The following FSTL5 variants were observed in gnomAD, a reference collection of about 807,000 sequenced individuals.
FSTL5 encodes follistatin-related protein 5.
In FSTL5, 62 loss-of-function variants were observed where a neutral mutation model predicts 89.1. The observed-to-expected ratio is 0.70, with a 90% confidence interval of 0.57 to 0.86. FSTL5 has a LOEUF of 0.86. Ranked by LOEUF, FSTL5 falls within the 40% of genes least tolerant of loss-of-function variation. The probability of loss-of-function intolerance (pLI) is 0.00; values close to 1 mark genes in which losing one functional copy is unlikely to be tolerated. For synonymous variants in FSTL5, 383 were observed against 346.2 expected (o/e 1.11, Z -1.18); for missense variants, 1,057 against 1,001.6 (o/e 1.06, Z -0.75).
intron 3 of FSTL5, among the ~76,000 whole-genome samples, chr4:161,951,453 T>A (rs1734891998): frequency 6.6e-6 from 1 of 152,142 alleles, no homozygotes; most frequent in Non-Finnish European, 1.5e-5. Context: ...TAAGGTGATT[T>A]ACATCCCCAA....
chr4:162,099,646 A>T (rs1260035227), intron 2 of FSTL5, among the ~76,000 whole-genome samples: 1 of 152,180 alleles, frequency 6.6e-6, no homozygotes, highest in Admixed American at 6.5e-5. Flanking sequence ...AAACTGCATA[A>T]TAAGAAAAAA....
chr4:161,416,014 T>C (rs72989105), intron 15 of FSTL5, among the ~76,000 whole-genome samples: 1 of 152,004 alleles, frequency 6.6e-6, no homozygotes, highest in Non-Finnish European at 1.5e-5. Flanking sequence ...CATAAGACAA[T>C]GTTTACTCTA....
intron 4 of FSTL5, among the ~76,000 whole-genome samples, chr4:161,906,154 C>A (rs7666181): frequency 0.52 from 78,453 of 150,646 alleles, 20,851 homozygotes; most frequent in Middle Eastern, 0.68. Flanking sequence ...AGGTAGCACA[C>A]CTAAGTCTCC....
Position 161,440,254 on chromosome 4 carries a change from C to T in FSTL5, c.1841+14750G>A, listed in dbSNP as rs191099808. Among the ~76,000 whole-genome samples the T allele has an allele frequency of 6.6e-5, 10 of 152,142 alleles. No homozygotes were observed. In the South Asian group the frequency reaches 8.3e-4, roughly 13 times the overall value. On this transcript the variant is annotated intron_variant, in intron 15 of 15. Coordinates refer to ENST00000306100, the MANE Select transcript of FSTL5 (RefSeq NM_020116.5). ...TAGTTTCATAAATTTTTGTACAGAACGTAATGAGACCAATATCACATATCT... is the reference window on the plus strand; with the variant it reads ...TAGTTTCATAAATTTTTGTACAGAATGTAATGAGACCAATATCACATATCT...
At chr4:162,038,002 G>A (rs550010549) in intron 2 of FSTL5, among the ~76,000 whole-genome samples, 77 of 151,992 alleles carry the variant, frequency 5.1e-4, no homozygotes, top group African/African-American at 1.7e-3. Context: ...ATTTAACTAT[G>A]TGAGAACTCA....
intron 3 of FSTL5, among the ~76,000 whole-genome samples, chr4:162,004,980 T>G (rs1360157214): frequency 6.6e-6 from 1 of 152,122 alleles, no homozygotes; most frequent in Non-Finnish European, 1.5e-5. Flanking sequence ...GAAGTGTCAG[T>G]TATGTGTTTT....
chr4:161,987,386 G>A (rs1560954336), intron 3 of FSTL5, among the ~76,000 whole-genome samples: 1 of 150,586 alleles, frequency 6.6e-6, no homozygotes, highest in Non-Finnish European at 1.5e-5. Context: ...TTTTAGAATG[G>A]CGGGGAAGGA....
At chr4:161,650,803 A>G (rs1736313023) in intron 7 of FSTL5, among the ~76,000 whole-genome samples, 1 of 152,168 alleles carries the variant, frequency 6.6e-6, no homozygotes, top group South Asian at 2.1e-4. Context: ...TTTAGACTGG[A>G]CTATATATAA....
intron 7 of FSTL5, among the ~76,000 whole-genome samples, chr4:161,636,559 G>A (rs182114716): frequency 2.0e-5 from 3 of 147,760 alleles, no homozygotes; most frequent in Admixed American, 1.4e-4. Flanking sequence ...TGCGCTGCAC[G>A]CACTAACTCG....
At chr4:161,781,862 T>C (rs1741681717) in intron 4 of FSTL5, among the ~76,000 whole-genome samples, 1 of 152,180 alleles carries the variant, frequency 6.6e-6, no homozygotes, top group South Asian at 2.1e-4. Context: ...TACAGAATAG[T>C]TTTACTGCCC....
At position 161,705,946 on chromosome 4, in the gene FSTL5, A is replaced by ATGTGTATATTGCATGTG. The variant is rs1391788107; in HGVS notation, c.728-49453_728-49452insCACATGCAATATACACA. ...AATACATATGCATGTGTGTGTGTAG[A>ATGTGTATATTGCATGTG]TGTGTGTATATATATATATATATAT... On this transcript the variant is annotated intron_variant, in intron 6 of 15. Coordinates refer to ENST00000306100, the MANE Select transcript of FSTL5 (RefSeq NM_020116.5). Among the ~76,000 whole-genome samples, 64 of 45,020 alleles carry ATGTGTATATTGCATGTG rather than the reference A, an allele frequency of 1.4e-3. 2 individuals are homozygous for ATGTGTATATTGCATGTG. The highest frequency in any genetic ancestry group is 3.6e-3 in the African/African-American group (55 of 15,152). The allele number at this position is 45,020 out of a possible 152,430, so 29.5% of individuals were successfully genotyped here. A position where few individuals can be genotyped will look rare whatever the true frequency, so the allele number is the denominator to read the frequency against.
In FSTL5 at chr4:161,397,381, TATC is replaced by T. The variant is rs1731039357; in HGVS notation, c.1842-10935_1842-10933del. ...AGAATAAAGGTTTTAGAAGCAAACA[TATC>T]ATATGTATAAAATTAATAATAGAAT... On this transcript the variant is annotated intron_variant, in intron 15 of 15. Transcript: ENST00000306100. 2.0e-5 allele frequency among the ~76,000 whole-genome samples: 3 copies of T among 151,840 alleles called. No individual in the cohort carries two copies. The South Asian group carries it at 6.2e-4, about 32-fold the overall frequency.
At chr4:161,803,583 G>A (rs1174264545) in intron 4 of FSTL5, among the ~76,000 whole-genome samples, 1 of 151,118 alleles carries the variant, frequency 6.6e-6, no homozygotes, top group East Asian at 1.9e-4. Flanking sequence ...TGCTAGCTTG[G>A]TCTAAGACAA....
intron 3 of FSTL5, among the ~76,000 whole-genome samples, chr4:161,986,994 A>G (rs1330353770): frequency 6.6e-6 from 1 of 152,168 alleles, no homozygotes; most frequent in Non-Finnish European, 1.5e-5. Flanking sequence ...GGAGAGGCCT[A>G]TTGGTCATAT....
intron 3 of FSTL5, among the ~76,000 whole-genome samples, chr4:161,985,469 T>G (rs1735939696): frequency 6.6e-6 from 1 of 152,060 alleles, no homozygotes; most frequent in Non-Finnish European, 1.5e-5. Flanking sequence ...TTACATAGTT[T>G]CACCATAAAT....
intron 7 of FSTL5, among the ~76,000 whole-genome samples, chr4:161,638,531 A>G (rs1057478864): frequency 3.3e-5 from 5 of 151,968 alleles, no homozygotes; most frequent in Admixed American, 6.6e-5. Context: ...AAAAGAGTCC[A>G]GGACCAGATG....
At chr4:161,504,480 T>A (rs1730408314) in intron 11 of FSTL5, among the ~76,000 whole-genome samples, 2 of 151,178 alleles carry the variant, frequency 1.3e-5, no homozygotes, top group Non-Finnish European at 3.0e-5. Context: ...TCGTTTTTGT[T>A]TTTTTTTTCC....
At chr4:161,867,728 C>G (rs1732136728) in intron 4 of FSTL5, among the ~76,000 whole-genome samples, 1 of 151,526 alleles carries the variant, frequency 6.6e-6, no homozygotes, top group African/African-American at 2.4e-5. Flanking sequence ...AGACCTTATT[C>G]TTACCAAAGA....
In FSTL5 at chr4:161,510,433, T is replaced by C; in HGVS notation, c.1313-9A>G. ...CCATAATATGTTAGCTACTGCAGCA[T>C]GTTGAAAGAAAAAGAAGAAAAAGAA... On this transcript the variant is annotated splice_polypyrimidine_tract_variant and intron_variant, in intron 10 of 15. Coordinates refer to ENST00000306100, the MANE Select transcript of FSTL5 (RefSeq NM_020116.5). 2 of 1,516,748 alleles carry C rather than the reference T, an allele frequency of 1.3e-6. No individual in the cohort carries two copies. The highest frequency in any genetic ancestry group is 1.8e-6 in the Non-Finnish European group (2 of 1,128,048). The allele number at this position is 1,516,748 out of a possible 1,614,324, so 94.0% of individuals were successfully genotyped here.
Sources: allele counts gnomAD v4.1 joint callset (sites outside exome capture counted in the v4.1 genomes callset), GRCh38; gene constraint gnomAD v4.1.1; transcripts MANE v1.5; gene names NCBI Gene and HGNC (gene_info 2026-07-23, HGNC 2026-07-21).